PHF21A: variants seen among roughly 807,000 people sequenced by gnomAD.
PHF21A encodes BHC80a.
PHF21A carries 11 observed loss-of-function variants against 82.5 expected under a neutral mutation model. The ratio of observed to expected loss-of-function variants is 0.13; its 90% confidence interval spans 0.08 to 0.22. PHF21A has a LOEUF of 0.22. PHF21A is among the 10% of genes least tolerant of loss of function. The pLI, the probability that PHF21A is intolerant of heterozygous loss-of-function variation, is 1.00. For missense variants in PHF21A, 579 were observed against 837.8 expected, an observed-to-expected ratio of 0.69 and a Z score of 3.81; for synonymous variants, 297 against 302.8, an observed-to-expected ratio of 0.98 and a Z score of 0.20.
At chr11:46,108,445 T>C (rs1278659563) in intron 1 of PHF21A, among the ~76,000 whole-genome samples, 1 of 151,906 alleles carries the variant, frequency 6.6e-6, no homozygotes, top group Non-Finnish European at 1.5e-5. Context: ...CCAACCTTAC[T>C]CCCACTTCCC....
intron 7 of PHF21A, among the ~76,000 whole-genome samples, chr11:45,971,958 C>T (rs557047410): frequency 3.0e-5 from 4 of 135,144 alleles, no homozygotes; most frequent in South Asian, 2.5e-4. Context: ...ATTAGCATGT[C>T]GCCTCTGAGG....
At chr11:46,104,220 T>C (rs1436963259) in intron 1 of PHF21A, among the ~76,000 whole-genome samples, 1 of 152,228 alleles carries the variant, frequency 6.6e-6, no homozygotes, top group South Asian at 2.1e-4. Flanking sequence ...TTTCCACTAG[T>C]TGTTACACCC....
Position 45,950,260 on chromosome 11 carries a change from G to A in PHF21A, c.1096-3C>T. 2 of 1,608,810 alleles carry A rather than the reference G, an allele frequency of 1.2e-6. No individual in the cohort carries two copies. The highest frequency in any genetic ancestry group is 1.7e-6 in the Non-Finnish European group (2 of 1,176,740). ...AGAGACACCATGAAGGCAAGTTTCT[G>A]TGCCAGAGAAACAAAAGAAGAATAT... On this transcript the variant is annotated splice_polypyrimidine_tract_variant and splice_region_variant and intron_variant, in intron 11 of 18. Transcript: ENST00000676320.
intron 1 of PHF21A, among the ~76,000 whole-genome samples, chr11:46,099,127 G>C (rs1453102810): frequency 3.3e-5 from 5 of 152,108 alleles, no homozygotes; most frequent in African/African-American, 7.2e-5. Flanking sequence ...TGAATTGCTA[G>C]AGAAAAATAT....
intron 10 of PHF21A, among the ~76,000 whole-genome samples, chr11:45,964,715 G>T (rs1199187103): frequency 6.6e-6 from 1 of 152,096 alleles, no homozygotes; most frequent in African/African-American, 2.4e-5. Context: ...ATTTTTGCAG[G>T]TTACTTGTAT....
At chr11:45,937,444 C>CA (rs1434153821) in intron 16 of PHF21A, among the ~76,000 whole-genome samples, 1 of 152,122 alleles carries the variant, frequency 6.6e-6, no homozygotes, top group African/African-American at 2.4e-5. Flanking sequence ...CCTGATATAA[C>CA]AAAATAGGTT....
At chr11:46,105,260 G>A (rs11038767) in intron 1 of PHF21A, among the ~76,000 whole-genome samples, 2 of 151,906 alleles carry the variant, frequency 1.3e-5, no homozygotes, top group Non-Finnish European at 2.9e-5. Flanking sequence ...CCCTTCACTC[G>A]AATTACATGA....
intron 6 of PHF21A, among the ~76,000 whole-genome samples, chr11:45,998,518 CT>C (rs397740160): frequency 1.0e-3 from 152 of 144,980 alleles, no homozygotes; most frequent in South Asian, 2.4e-3. Context: ...ATTTCTTTTT[CT>C]TTTTTTTTTT....
chr11:46,031,868 C>T (rs1451491841), intron 6 of PHF21A, among the ~76,000 whole-genome samples: 2 of 152,128 alleles, frequency 1.3e-5, no homozygotes, highest in Non-Finnish European at 2.9e-5. Flanking sequence ...TGGGGTGAGA[C>T]ATAAATGCTT....
chr11:45,934,285 C>T (rs2088233043), intron 18 of PHF21A, 60 bp from the exon 19 acceptor site: 1 of 1,535,164 alleles, frequency 6.5e-7, no homozygotes, highest in Non-Finnish European at 8.8e-7. Flanking sequence ...GGCCTGGCAG[C>T]CCCTAAGAGC....
At chr11:45,986,189 T>C (rs1253382698) in intron 6 of PHF21A, among the ~76,000 whole-genome samples, 1 of 151,782 alleles carries the variant, frequency 6.6e-6, no homozygotes, top group Non-Finnish European at 1.5e-5. Flanking sequence ...GGATTTACAG[T>C]CCATCTCTCT....
chr11:46,097,166 C>G (rs1184888825), intron 1 of PHF21A, among the ~76,000 whole-genome samples: 1 of 152,148 alleles, frequency 6.6e-6, no homozygotes, highest in African/African-American at 2.4e-5. Flanking sequence ...CCAATTCTAC[C>G]CTAGCCCCGC....
At chr11:45,972,166 T>C (rs192160990) in intron 7 of PHF21A, among the ~76,000 whole-genome samples, 21 of 152,210 alleles carry the variant, frequency 1.4e-4, no homozygotes, top group African/African-American at 4.8e-4. Context: ...ATCTGAGTTT[T>C]AAAAGCCTGA....
At position 45,965,393 on chromosome 11, in the gene PHF21A, G is replaced by A. The variant is rs778246926; in HGVS notation, c.918C>T (p.Ser306=). Residue 306 remains serine, a synonymous_variant, in exon 10 of 19, where the codon AGC becomes AGT. Coordinates refer to ENST00000676320, the MANE Select transcript of PHF21A (RefSeq NM_001352027.3). ...TGGTCCCTGGAGTAGCTATCACAATGCTGGTGAGCTGGGCCATGGGGAACG... is the reference window on the plus strand; with the variant it reads ...TGGTCCCTGGAGTAGCTATCACAATACTGGTGAGCTGGGCCATGGGGAACG... ...AKTFPMAQLT[S]IVIATPGTRL... is the part of the protein sequence containing the mutation. 6.2e-7 allele frequency: 1 copy of A among 1,614,108 alleles called. No individual in the cohort carries two copies. The highest frequency in any genetic ancestry group is 8.5e-7 in the Non-Finnish European group (1 of 1,180,012).
chr11:46,008,209 C>T (rs1468690761), intron 6 of PHF21A, among the ~76,000 whole-genome samples: 1 of 152,196 alleles, frequency 6.6e-6, no homozygotes, highest in Non-Finnish European at 1.5e-5. Context: ...ATGTGAAATC[C>T]TAGACTAATC....
At chr11:45,949,513 G>T in intron 12 of PHF21A, 32 bp from the exon 13 acceptor site, 1 of 1,554,582 alleles carries the variant, frequency 6.4e-7, no homozygotes, top group Non-Finnish European at 8.9e-7. Flanking sequence ...CATTAGCAGA[G>T]AGGCATGGAG....
intron 11 of PHF21A, among the ~76,000 whole-genome samples, chr11:45,950,696 C>T (rs1383006361): frequency 1.3e-5 from 2 of 152,130 alleles, no homozygotes; most frequent in African/African-American, 4.8e-5. Flanking sequence ...TCTTCTTTCT[C>T]AATGACAGAA....
rs1386430391 is a variant in PHF21A, at chr11:45,945,939, G to A, written c.1353C>T (p.Ser451=). The A allele has an allele frequency of 6.2e-7, 1 of 1,613,618 alleles. No homozygotes were observed. The highest frequency in any genetic ancestry group is 1.7e-5 in the Admixed American group (1 of 59,966). The change falls in exon 15 of 19, where the codon TCC becomes TCT. Residue 451 remains serine (S), a synonymous_variant. Transcript: ENST00000676320. ...CATTTTCAGGGGAGTCAGGATGACTGGATTGGGGGGATGTTGGGGTAAGGG... is the reference window on the plus strand; with the variant it reads ...CATTTTCAGGGGAGTCAGGATGACTAGATTGGGGGGATGTTGGGGTAAGGG... ...FGALTPTSPQ[S]SHPDSPENEK... is the part of the protein sequence containing the mutation.
chr11:45,934,159 C>T lies in PHF21A; in HGVS notation c.1855G>A (p.Val619Ile). 6.2e-7 allele frequency: 1 copy of T among 1,614,136 alleles called. No individual in the cohort carries two copies. ...QKEMHSSLEK[V>I]KQLIRLIHGI... The stretch of plus-strand genomic sequence containing the variant: ...TGGATGAGGCGAATCAGCTGTTTTA[C>T]CTTCTCCAGGGAGCTGTGCATCTCC... The change falls in exon 19 of 19, where the codon GTA becomes ATA. Residue 619 changes from valine (V) to isoleucine (I), a missense_variant. By Grantham distance (29) the Val-to-Ile change is conservative. Around this residue, in one of 3 missense-constraint regions of PHF21A, gnomAD observed 157 missense variants for 149.4 expected, o/e 1.05. Coordinates refer to ENST00000676320, the MANE Select transcript of PHF21A (RefSeq NM_001352027.3).
Sources: gnomAD v4.1 joint callset for allele counts (sites outside exome capture counted in the v4.1 genomes callset) on GRCh38, gnomAD v4.1.1 for gene constraint, gnomAD v4.1.1 regional missense constraint, MANE v1.5 for transcripts, NCBI Gene and HGNC (gene_info 2026-07-23, HGNC 2026-07-21) for gene names.